Variants in NINJ2 observed in about 807,000 individuals in gnomAD.
NINJ2 encodes the protein ninjurin 2.
Under a neutral mutation model 11.7 loss-of-function variants are expected in NINJ2, and 12 were observed. The observed-to-expected ratio is 1.02, with a 90% CI of 0.66 to 1.66. The LOEUF is 1.66. Among genes scored for constraint, NINJ2 ranks in the 40% most tolerant of loss-of-function variants. NINJ2 has a pLI of 0.00. For missense variants in NINJ2, 187 were observed against 181.8 expected (o/e 1.03, Z -0.16); for synonymous variants, 93 against 76.8 (o/e 1.21, Z -1.10).
chr12:566,950 T>A (rs740892), intron 1 of NINJ2, among the ~76,000 whole-genome samples: 53,784 of 152,172 alleles, frequency 0.35, 9,771 homozygotes, highest in East Asian at 0.59. Flanking sequence ...GGGCCAAGAA[T>A]TTCAGACTGG....
chr12:594,757 A>G (rs1156370315), intron 1 of NINJ2, among the ~76,000 whole-genome samples: 2 of 152,244 alleles, frequency 1.3e-5, no homozygotes, highest in African/African-American at 2.4e-5. Context: ...GTTCTTCCTA[A>G]CTTGATCTAT....
At chr12:599,804 G>T (rs954565984) in intron 1 of NINJ2, among the ~76,000 whole-genome samples, 4 of 152,162 alleles carry the variant, frequency 2.6e-5, no homozygotes, top group African/African-American at 9.7e-5. Flanking sequence ...CTGCACCCCA[G>T]CACGCCCGGG....
chr12:638,843 T>C (rs551339284), intron 1 of NINJ2, among the ~76,000 whole-genome samples: 12 of 152,352 alleles, frequency 7.9e-5, no homozygotes, highest in African/African-American at 2.6e-4. Context: ...TCCACCCTGC[T>C]TTAGCACCTA....
chr12:653,514 T>C (rs1451087803), intron 1 of NINJ2, among the ~76,000 whole-genome samples: 1 of 152,100 alleles, frequency 6.6e-6, no homozygotes, highest in Admixed American at 6.6e-5. Flanking sequence ...TATCATAAGG[T>C]ACTCACACGA....
At chr12:632,050 G>T (rs1181620408) in intron 1 of NINJ2, among the ~76,000 whole-genome samples, 1 of 152,130 alleles carries the variant, frequency 6.6e-6, no homozygotes, top group South Asian at 2.1e-4. Context: ...TTTTGGGGAA[G>T]GTCAGCTGAA....
At chr12:618,172 T>G (rs1948114296) in intron 1 of NINJ2, among the ~76,000 whole-genome samples, 1 of 144,836 alleles carries the variant, frequency 6.9e-6, no homozygotes, top group Non-Finnish European at 1.5e-5. Flanking sequence ...AAAGTGCGGC[T>G]GCAGTATGTG....
chr12:626,766 C>T (rs1048576598), intron 1 of NINJ2, among the ~76,000 whole-genome samples: 11 of 152,136 alleles, frequency 7.2e-5, no homozygotes, highest in African/African-American at 2.4e-4. Context: ...ATAGTATCTA[C>T]CAAATGGGGT....
chr12:659,457 A>G (rs1937927426), intron 1 of NINJ2, among the ~76,000 whole-genome samples: 1 of 152,278 alleles, frequency 6.6e-6, no homozygotes, highest in Admixed American at 6.5e-5. Flanking sequence ...AGGGGAAGAA[A>G]GGGATTATCC....
At chr12:601,370 C>T (rs1163642688) in intron 1 of NINJ2, among the ~76,000 whole-genome samples, 1 of 149,688 alleles carries the variant, frequency 6.7e-6, no homozygotes, top group Admixed American at 6.7e-5. Context: ...CACAGTGAAA[C>T]CCCGTCTCTA....
At chr12:608,439 C>A (rs1947967283) in intron 1 of NINJ2, among the ~76,000 whole-genome samples, 1 of 152,218 alleles carries the variant, frequency 6.6e-6, no homozygotes, top group Admixed American at 6.5e-5. Context: ...TCATCTACTT[C>A]TCACAGCAAC....
At chr12:608,334 C>T (rs566085813) in intron 1 of NINJ2, among the ~76,000 whole-genome samples, 1 of 152,294 alleles carries the variant, frequency 6.6e-6, no homozygotes, top group South Asian at 2.1e-4. Flanking sequence ...GCCACCACTA[C>T]AGCAATAAAA....
intron 1 of NINJ2, among the ~76,000 whole-genome samples, chr12:588,207 A>AGGGACGGAG (rs1947670113): frequency 7.3e-6 from 1 of 136,754 alleles, no homozygotes; most frequent in Admixed American, 7.6e-5. Flanking sequence ...AGGGGACGGA[A>AGGGACGGAG]GGGACGGAGG....
chr12:640,586 G>A lies in NINJ2; in HGVS notation c.33+22742C>T, dbSNP rs1948406032. On this transcript the variant is annotated intron_variant, in intron 1 of 3. Transcript: ENST00000305108. The surrounding 1 kb of genome is among the most constrained non-coding windows in gnomAD (Gnocchi z 4.0). ...GTCACCCAGGCTGGAGTGTAGTGGT[G>A]TGATATGGGCTCACTGCAACCTCAG... Among the ~76,000 whole-genome samples, 1 of 152,090 alleles carries A rather than the reference G, an allele frequency of 6.6e-6. No homozygotes were observed. The highest frequency in any genetic ancestry group is 6.6e-5 in the Admixed American group (1 of 15,264).
chr12:605,452 T>A (rs906993495), intron 1 of NINJ2, among the ~76,000 whole-genome samples: 6 of 152,184 alleles, frequency 3.9e-5, no homozygotes, highest in Admixed American at 1.3e-4. Flanking sequence ...CCCAGCTATT[T>A]GGGAGGCTGA....
At chr12:631,263 G>A (rs1948277640) in intron 1 of NINJ2, among the ~76,000 whole-genome samples, 1 of 152,192 alleles carries the variant, frequency 6.6e-6, no homozygotes, top group Non-Finnish European at 1.5e-5. Context: ...CCTCTGCTGG[G>A]CAGTCTCTAA....
At chr12:619,763 C>T (rs985708507) in intron 1 of NINJ2, among the ~76,000 whole-genome samples, 2 of 152,232 alleles carry the variant, frequency 1.3e-5, no homozygotes, top group African/African-American at 2.4e-5. Context: ...CTGAGCCCAG[C>T]AGCCTTACAT....
intron 1 of NINJ2, among the ~76,000 whole-genome samples, chr12:601,313 G>C (rs573964196): frequency 1.4e-5 from 2 of 146,784 alleles, no homozygotes; most frequent in Non-Finnish European, 3.0e-5. Context: ...TTGGGAGGCT[G>C]AGGCGGGCGG....
At chr12:565,906 C>T (rs370934493) in intron 2 of NINJ2, 44 bp downstream of exon 2, 47 of 1,568,078 alleles carry the variant, frequency 3.0e-5, no homozygotes, top group Non-Finnish European at 3.4e-5. Context: ...CTGCCAGCCA[C>T]GGGTGCCGAG....
At chr12:594,715 A>G (rs1377999799) in intron 1 of NINJ2, among the ~76,000 whole-genome samples, 1 of 152,232 alleles carries the variant, frequency 6.6e-6, no homozygotes, top group Non-Finnish European at 1.5e-5. Context: ...TATGTTCATG[A>G]ATAGAAAGAC....
Sources: allele counts gnomAD v4.1 joint callset (sites outside exome capture counted in the v4.1 genomes callset), GRCh38; gene constraint gnomAD v4.1.1; non-coding constraint Gnocchi (gnomAD v3.1); transcripts MANE v1.5; gene names NCBI Gene and HGNC (gene_info 2026-07-23, HGNC 2026-07-21).